POU2F3: variants seen among roughly 807,000 people sequenced by gnomAD.
POU2F3 encodes POU domain, class 2, transcription factor 3.
Under a neutral mutation model 59.2 loss-of-function variants are expected in POU2F3, and 23 were observed. The observed-to-expected ratio is 0.39, with a 90% CI of 0.28 to 0.55. POU2F3 has a LOEUF of 0.55. POU2F3 is among the 20% of genes least tolerant of loss of function. The pLI is 0.66. For synonymous variants in POU2F3, 190 were observed against 214.6 expected, an observed-to-expected ratio of 0.89 and a Z score of 1.00; for missense variants, 473 against 544.5, an observed-to-expected ratio of 0.87 and a Z score of 1.31.
At chr11:120,258,240 G>C (rs962449547) in intron 2 of POU2F3, among the ~76,000 whole-genome samples, 1 of 152,112 alleles carries the variant, frequency 6.6e-6, no homozygotes, top group Non-Finnish European at 1.5e-5. Context: ...CCCTGGGGGA[G>C]AGGACTAGGA....
intron 2 of POU2F3, chr11:120,256,803 G>T (rs1939361535): frequency 1.3e-5 from 2 of 152,218 alleles, no homozygotes; most frequent in Non-Finnish European, 2.9e-5. Flanking sequence ...AGTTCCAGAA[G>T]ATCTAAAAGT....
intron 3 of POU2F3, among the ~76,000 whole-genome samples, chr11:120,287,365 T>C (rs1940820823): frequency 1.3e-5 from 2 of 152,224 alleles, no homozygotes; most frequent in Admixed American, 6.5e-5. Context: ...GTGATGGACA[T>C]TATGCACTGT....
intron 3 of POU2F3, among the ~76,000 whole-genome samples, chr11:120,277,280 G>A (rs1329551266): frequency 6.6e-6 from 1 of 151,444 alleles, no homozygotes; most frequent in East Asian, 2.0e-4. Flanking sequence ...GATAGAGCCA[G>A]ACTCTGTCTC....
intron 3 of POU2F3, among the ~76,000 whole-genome samples, chr11:120,297,031 G>A (rs1053937225): frequency 1.3e-5 from 2 of 152,218 alleles, no homozygotes; most frequent in Non-Finnish European, 2.9e-5. Context: ...GATATTCGCA[G>A]TGTAGACCAA....
chr11:120,272,463 G>A (rs1406533206), intron 3 of POU2F3, among the ~76,000 whole-genome samples: 2 of 152,206 alleles, frequency 1.3e-5, no homozygotes, highest in African/African-American at 4.8e-5. Context: ...AGAAGGAGTA[G>A]GGAGGGGAAG....
chr11:120,283,646 C>A (rs1940660841), intron 3 of POU2F3, among the ~76,000 whole-genome samples: 1 of 152,124 alleles, frequency 6.6e-6, no homozygotes, highest in African/African-American at 2.4e-5. Flanking sequence ...CTGCCCCCAC[C>A]CACTCCCTTC....
At chr11:120,269,571 T>C (rs1238027162) in intron 3 of POU2F3, among the ~76,000 whole-genome samples, 1 of 152,180 alleles carries the variant, frequency 6.6e-6, no homozygotes, top group Non-Finnish European at 1.5e-5. Flanking sequence ...GGTGGGTGTT[T>C]GCATGAATTG....
chr11:120,313,373 T>C (rs991020463), intron 10 of POU2F3, among the ~76,000 whole-genome samples: 9 of 152,222 alleles, frequency 5.9e-5, no homozygotes, highest in African/African-American at 1.9e-4. Context: ...GGCGTTACCC[T>C]GCCCTCATGA....
At chr11:120,292,735 G>T (rs1302991293) in intron 3 of POU2F3, among the ~76,000 whole-genome samples, 1 of 152,214 alleles carries the variant, frequency 6.6e-6, no homozygotes, top group Non-Finnish European at 1.5e-5. Flanking sequence ...AGGTGTCTCA[G>T]GAGGGCTCCG....
At position 120,285,572 on chromosome 11, in the gene POU2F3, T is replaced by C. The variant is rs190034990; in HGVS notation, c.133-12693T>C. On this transcript the variant is annotated intron_variant, in intron 3 of 12. Coordinates refer to ENST00000543440, the MANE Select transcript of POU2F3 (RefSeq NM_014352.4). This position sits in a 1 kb window ranked among gnomAD's most constrained non-coding sequence, Gnocchi z 4.3. ...TTAATACATGAATACTTTCCGGTTA[T>C]AAAAAAATTTCATAATAAAGATTAA... 2.6e-3 allele frequency among the ~76,000 whole-genome samples: 398 copies of C among 152,330 alleles called. 3 individuals carry two copies. Among genetic ancestry groups the C allele is most frequent in the South Asian group, 0.022 (104 of 4,828 alleles).
chr11:120,240,083 C>A, upstream of POU2F3: 1 of 1,124,436 alleles, frequency 8.9e-7, no homozygotes, highest in African/African-American at 1.6e-5. Flanking sequence ...AGGCGCGGGG[C>A]TCCTGCCAGG....
intron 2 of POU2F3, chr11:120,253,683 T>C (rs1385401873): frequency 6.6e-6 from 1 of 152,104 alleles, no homozygotes; most frequent in South Asian, 2.1e-4. Context: ...AGACTGGGAG[T>C]CAACGTGGAG....
chr11:120,254,049 C>G (rs1565356749), intron 2 of POU2F3: 1 of 152,266 alleles, frequency 6.6e-6, no homozygotes, highest in Non-Finnish European at 1.5e-5. Context: ...CTCAGCCCTT[C>G]ACTAAGGCAC....
At chr11:120,278,233 G>C (rs1940415332) in intron 3 of POU2F3, among the ~76,000 whole-genome samples, 1 of 152,192 alleles carries the variant, frequency 6.6e-6, no homozygotes, top group Non-Finnish European at 1.5e-5. Context: ...CATATAAAAA[G>C]TTGTATGGGA....
chr11:120,261,219 C>A, intron 2 of POU2F3: 1 of 149,980 alleles, frequency 6.7e-6, no homozygotes, highest in Non-Finnish European at 1.5e-5. Flanking sequence ...GTTTGTTTGC[C>A]TCCCCCTGAG....
In POU2F3 at chr11:120,318,734, C is replaced by T. The variant is rs772800215; in HGVS notation, c.*342C>T. On this transcript the variant is annotated 3_prime_UTR_variant, in exon 13 of 13. Transcript: ENST00000543440. The stretch of plus-strand genomic sequence containing the variant: ...AGAAAAGACTTCTTGCTGTTATTCT[C>T]CAACTCATCCGTGGGCTTCTGGGGA... 9 of 256,752 alleles carry T rather than the reference C, an allele frequency of 3.5e-5. No individual in the cohort carries two copies. The highest frequency in any genetic ancestry group is 4.5e-5 in the African/African-American group (2 of 44,508). The allele number at this position is 256,752 out of a possible 1,614,324, so 15.9% of individuals were successfully genotyped here.
At chr11:120,238,778 C>T (rs1162394028), upstream of POU2F3, among the ~76,000 whole-genome samples, 5 of 138,616 alleles carry the variant, frequency 3.6e-5, no homozygotes, top group African/African-American at 8.3e-5. Context: ...TGCAGTGAGC[C>T]GAGATTGCAC....
At chr11:120,264,096 C>A (rs879679977) in intron 2 of POU2F3, among the ~76,000 whole-genome samples, 3 of 152,024 alleles carry the variant, frequency 2.0e-5, no homozygotes, top group Non-Finnish European at 2.9e-5. Flanking sequence ...AAGAGCTGGG[C>A]GCAGTGGCTC....
At chr11:120,317,454 C>A in intron 12 of POU2F3, 90 bp downstream of exon 12, 1 of 1,541,368 alleles carries the variant, frequency 6.5e-7, no homozygotes, top group Admixed American at 1.7e-5. Flanking sequence ...GAAAGCTTGT[C>A]ATAGAAAGGG....
Sources: gnomAD v4.1 joint callset for allele counts (sites outside exome capture counted in the v4.1 genomes callset) on GRCh38, gnomAD v4.1.1 for gene constraint, Gnocchi (gnomAD v3.1) non-coding constraint, MANE v1.5 for transcripts, NCBI Gene and HGNC (gene_info 2026-07-23, HGNC 2026-07-21) for gene names.